The following NCOA1 variants were observed in gnomAD, a reference collection of about 807,000 sequenced individuals.
NCOA1 encodes nuclear receptor coactivator 1.
NCOA1 carries 35 observed loss-of-function variants against 150.9 expected under a neutral mutation model. That is an observed-to-expected ratio of 0.23 (90% confidence interval 0.18 to 0.31). NCOA1 has a LOEUF of 0.31. Among genes scored for constraint, NCOA1 ranks in the 10% least tolerant of loss-of-function variants. NCOA1 has a pLI of 1.00. For missense variants in NCOA1, 1,491 were observed against 1,749.3 expected (o/e 0.85, Z 2.63); for synonymous variants, 590 against 630.0 (o/e 0.94, Z 0.95).
intron 19 of NCOA1, among the ~76,000 whole-genome samples, chr2:24,746,901 A>G (rs1227529470): frequency 6.6e-6 from 1 of 152,188 alleles, no homozygotes; most frequent in African/African-American, 2.4e-5. Context: ...ATGTGAGTGA[A>G]TGGAGGAGGG....
intron 10 of NCOA1, among the ~76,000 whole-genome samples, chr2:24,697,318 G>A (rs758526958): frequency 2.6e-5 from 4 of 151,926 alleles, no homozygotes; most frequent in Non-Finnish European, 5.9e-5. Context: ...CTTTCCAATC[G>A]GTCATCAGTA....
At chr2:24,522,621 G>A (rs1250666485) in intron 1 of NCOA1, among the ~76,000 whole-genome samples, 2 of 152,114 alleles carry the variant, frequency 1.3e-5, no homozygotes, top group Non-Finnish European at 2.9e-5. Flanking sequence ...GTATAGAAAT[G>A]GGAGGAGGAA....
intron 3 of NCOA1, among the ~76,000 whole-genome samples, chr2:24,612,084 A>G (rs1414464011): frequency 1.3e-5 from 2 of 152,170 alleles, no homozygotes; most frequent in African/African-American, 2.4e-5. Context: ...GAATTCCCTT[A>G]AAGATCTCTT....
chr2:24,744,727 A>G (rs533123680), intron 19 of NCOA1, among the ~76,000 whole-genome samples: 1 of 152,358 alleles, frequency 6.6e-6, no homozygotes, highest in South Asian at 2.1e-4. Flanking sequence ...AGGTTTGACA[A>G]ATTAAGGTCC....
chr2:24,538,739 G>C (rs1307620010), intron 1 of NCOA1, among the ~76,000 whole-genome samples: 1 of 152,078 alleles, frequency 6.6e-6, no homozygotes, highest in African/African-American at 2.4e-5. Context: ...TTTCATTGAT[G>C]TTTATCCAGC....
intron 1 of NCOA1, among the ~76,000 whole-genome samples, chr2:24,508,817 A>C (rs1168540764): frequency 6.6e-6 from 1 of 152,190 alleles, no homozygotes; most frequent in Non-Finnish European, 1.5e-5. Context: ...ACAACTTTAT[A>C]GATAGTATTG....
At chr2:24,589,520 A>G (rs1667555861) in intron 3 of NCOA1, among the ~76,000 whole-genome samples, 2 of 152,206 alleles carry the variant, frequency 1.3e-5, no homozygotes. Context: ...GGGAGATGCC[A>G]GAGCTGATCT....
chr2:24,526,190 T>A (rs1392657457), intron 1 of NCOA1, among the ~76,000 whole-genome samples: 1 of 152,166 alleles, frequency 6.6e-6, no homozygotes, highest in Admixed American at 6.5e-5. Context: ...ATGGGTAAGA[T>A]GTGGTTCTAG....
intron 11 of NCOA1, among the ~76,000 whole-genome samples, chr2:24,698,263 G>T (rs1672992509): frequency 6.6e-6 from 1 of 152,052 alleles, no homozygotes; most frequent in South Asian, 2.1e-4. Context: ...CTTCAGAAAA[G>T]AAGTAATATT....
chr2:24,646,713 T>C (rs540138206), intron 4 of NCOA1, among the ~76,000 whole-genome samples: 59 of 151,288 alleles, frequency 3.9e-4, no homozygotes, highest in Non-Finnish European at 7.2e-4. Context: ...TTTCTTTTTT[T>C]TTTTTTTAAT....
At chr2:24,518,568 A>G (rs1266844486) in intron 1 of NCOA1, among the ~76,000 whole-genome samples, 3 of 152,166 alleles carry the variant, frequency 2.0e-5, no homozygotes. Context: ...TGCAGATGAC[A>G]TTGATTATCT....
chr2:24,507,784 G>T (rs1663769382), intron 1 of NCOA1, among the ~76,000 whole-genome samples: 1 of 151,994 alleles, frequency 6.6e-6, no homozygotes. Context: ...TCAAATGTGT[G>T]TTCCTTCTCT....
At chr2:24,595,231 G>GT (rs1199174449) in intron 3 of NCOA1, among the ~76,000 whole-genome samples, 3 of 151,948 alleles carry the variant, frequency 2.0e-5, no homozygotes, top group Non-Finnish European at 4.4e-5. Flanking sequence ...AATATAACTT[G>GT]TTTTTTAAAA....
At chr2:24,719,828 A>G (rs183924558) in intron 14 of NCOA1, among the ~76,000 whole-genome samples, 1 of 152,284 alleles carries the variant, frequency 6.6e-6, no homozygotes, top group East Asian at 1.9e-4. Context: ...AGAAAATATT[A>G]TTGATAGATT....
chr2:24,710,293 T>C (rs1217463363), intron 13 of NCOA1, among the ~76,000 whole-genome samples: 1 of 151,966 alleles, frequency 6.6e-6, no homozygotes, highest in Non-Finnish European at 1.5e-5. Flanking sequence ...GGGGTTGCCA[T>C]GTTGGCCAGG....
At chr2:24,593,901 C>T in intron 3 of NCOA1, among the ~76,000 whole-genome samples, 1 of 152,218 alleles carries the variant, frequency 6.6e-6, no homozygotes, top group African/African-American at 2.4e-5. Context: ...AATCTAGATT[C>T]TTCTAACTTA....
At chr2:24,729,953 C>T (rs1044050152) in intron 17 of NCOA1, 138 bp downstream of exon 17, 25 of 854,314 alleles carry the variant, frequency 2.9e-5, no homozygotes, top group Non-Finnish European at 4.4e-5. Context: ...TCAAGCAATT[C>T]TCCTGCCTCA....
At position 24,705,095 on chromosome 2, in the gene NCOA1, G is replaced by A. The variant is rs377618248; in HGVS notation, c.959G>A (p.Arg320His). Residue 320 changes from arginine to histidine, a missense_variant, in exon 12 of 23, where the codon CGT becomes CAT. Transcript: ENST00000348332. ...ARQLFQEVMT[R>H]GTASSPSYRF... Reference sequence around the variant, plus strand: ...CTTCTGTTTGAAACAGTGATGACTCGTGGCACTGCCTCCAGCCCCTCCTAT... The same window carrying A: ...CTTCTGTTTGAAACAGTGATGACTCATGGCACTGCCTCCAGCCCCTCCTAT... 39 of 1,613,288 alleles carry A rather than the reference G, an allele frequency of 2.4e-5. No homozygotes were observed. The highest frequency in any genetic ancestry group is 6.7e-5 in the African/African-American group (5 of 74,880).
At chr2:24,539,006 C>T (rs960264462) in intron 1 of NCOA1, among the ~76,000 whole-genome samples, 1 of 152,098 alleles carries the variant, frequency 6.6e-6, no homozygotes. Flanking sequence ...GACCTGTCCC[C>T]CTAATAAAAT....
Sources: gnomAD v4.1 joint callset for allele counts (sites outside exome capture counted in the v4.1 genomes callset) on GRCh38, gnomAD v4.1.1 for gene constraint, MANE v1.5 for transcripts, NCBI Gene and HGNC (gene_info 2026-07-23, HGNC 2026-07-21) for gene names.